Variants in SPAG9 observed in about 807,000 individuals in gnomAD.
The protein encoded by SPAG9 is C-Jun-amino-terminal kinase-interacting protein 4.
In SPAG9, 35 loss-of-function variants were observed where a neutral mutation model predicts 166.5. The observed-to-expected ratio is 0.21, with a 90% CI of 0.16 to 0.28. The LOEUF is 0.28. Among genes scored for constraint, SPAG9 ranks in the 10% least tolerant of loss-of-function variants. The pLI is 1.00. For synonymous variants in SPAG9, 534 were observed against 565.5 expected, an observed-to-expected ratio of 0.94 and a Z score of 0.79; for missense variants, 1,235 against 1,603.3, an observed-to-expected ratio of 0.77 and a Z score of 3.92.
chr17:51,055,534 G>T (rs1477634522), intron 3 of SPAG9, among the ~76,000 whole-genome samples: 3 of 150,952 alleles, frequency 2.0e-5, no homozygotes, highest in Admixed American at 2.0e-4. Context: ...CTCTTCTAAA[G>T]AAAAACAACA....
chr17:51,030,945 C>T (rs562522039), intron 6 of SPAG9: 18 of 143,544 alleles, frequency 1.3e-4, no homozygotes, highest in African/African-American at 3.9e-4. Flanking sequence ...GATGGAGTCT[C>T]GCTGTGTTGC....
chr17:51,006,167 G>A lies in SPAG9; in HGVS notation c.1342C>T (p.Leu448=), dbSNP rs6504692. ...VDELTCEKDV[L]QGELEAVKQA... Reference sequence around the variant, plus strand: ...TTCACAGCCTCCAATTCCCCTTGCAGCACATCTTTCTCACAGGTCAGTTCA... The same window carrying A: ...TTCACAGCCTCCAATTCCCCTTGCAACACATCTTTCTCACAGGTCAGTTCA... Residue 448 remains leucine, a synonymous_variant, in exon 11 of 30, where the codon CTG becomes TTG. Transcript: ENST00000262013. The A allele has an allele frequency of 8.0e-3, 12,899 of 1,614,056 alleles. 874 individuals are homozygous for A. In the African/African-American group the frequency reaches 0.15, roughly 19 times the overall value.
chr17:51,019,645 G>A (rs1395462074), intron 8 of SPAG9, among the ~76,000 whole-genome samples: 1 of 152,060 alleles, frequency 6.6e-6, no homozygotes, highest in African/African-American at 2.4e-5. Flanking sequence ...CTGAGGTTGG[G>A]AGTTCGAGAC....
intron 13 of SPAG9, 79 bp downstream of exon 13, chr17:51,001,636 G>A: frequency 7.2e-7 from 1 of 1,387,096 alleles, no homozygotes; most frequent in Admixed American, 2.3e-5. Flanking sequence ...TTACAGGGCA[G>A]GACTTAAGTT....
intron 5 of SPAG9, among the ~76,000 whole-genome samples, chr17:51,033,325 A>C (rs2046458736): frequency 6.7e-6 from 1 of 149,466 alleles, no homozygotes; most frequent in African/African-American, 2.5e-5. Context: ...AAAAAAAAAA[A>C]AGCAAGCAGC....
At chr17:51,102,078 C>A (rs2048822578) in intron 1 of SPAG9, among the ~76,000 whole-genome samples, 1 of 152,006 alleles carries the variant, frequency 6.6e-6, no homozygotes, top group South Asian at 2.1e-4. Context: ...ACTGCTGAAT[C>A]CTGATTAGAA....
At chr17:51,096,006 G>GATATATATATAGTGATAT (rs1555659815) in intron 1 of SPAG9, among the ~76,000 whole-genome samples, 5 of 88,576 alleles carry the variant, frequency 5.6e-5, no homozygotes, top group African/African-American at 2.5e-4. Flanking sequence ...TATATATAGT[G>GATATATATATAGTGATAT]ATATATATAT....
chr17:51,109,517 G>A (rs749704157), intron 1 of SPAG9, among the ~76,000 whole-genome samples: 1 of 151,674 alleles, frequency 6.6e-6, no homozygotes, highest in African/African-American at 2.4e-5. Flanking sequence ...TTACAGGCGT[G>A]AGCCACTGCG....
At chr17:51,074,124 T>C (rs2047900664) in intron 2 of SPAG9, among the ~76,000 whole-genome samples, 1 of 152,192 alleles carries the variant, frequency 6.6e-6, no homozygotes, top group East Asian at 1.9e-4. Flanking sequence ...TAGTCCCAGC[T>C]ACTCGGGAGG....
intron 1 of SPAG9, among the ~76,000 whole-genome samples, chr17:51,103,788 G>A (rs1302585665): frequency 6.6e-6 from 1 of 152,154 alleles, no homozygotes; most frequent in Non-Finnish European, 1.5e-5. Flanking sequence ...GAGATGGGCG[G>A]TTTATAGGTT....
chr17:51,060,950 G>A (rs1044345363), intron 2 of SPAG9, among the ~76,000 whole-genome samples: 13 of 150,796 alleles, frequency 8.6e-5, no homozygotes, highest in Non-Finnish European at 7.4e-5. Flanking sequence ...TGGTTGAAGC[G>A]ATTCTCCTGC....
At chr17:51,035,254 A>G (rs561385935) in intron 5 of SPAG9, among the ~76,000 whole-genome samples, 1 of 152,330 alleles carries the variant, frequency 6.6e-6, no homozygotes, top group South Asian at 2.1e-4. Flanking sequence ...TTTACCTAAC[A>G]GTATTGTACC....
chr17:50,987,360 G>T, intron 21 of SPAG9, 123 bp from the exon 22 acceptor site: 1 of 888,678 alleles, frequency 1.1e-6, no homozygotes, highest in Non-Finnish European at 1.6e-6. Context: ...ATTTTTTAGA[G>T]ATAGGGTATC....
chr17:51,036,859 A>C (rs540161504), intron 5 of SPAG9, among the ~76,000 whole-genome samples: 3 of 152,188 alleles, frequency 2.0e-5, no homozygotes, highest in African/African-American at 7.2e-5. Context: ...ATTGTGCAGA[A>C]AGGAAAGAGA....
chr17:51,078,310 A>G (rs1185072138), intron 2 of SPAG9, among the ~76,000 whole-genome samples: 2 of 152,168 alleles, frequency 1.3e-5, no homozygotes, highest in East Asian at 3.9e-4. Context: ...CTTGAATTCT[A>G]GAATGCTTGA....
At chr17:51,113,744 C>T (rs1391438960) in intron 1 of SPAG9, among the ~76,000 whole-genome samples, 1 of 151,638 alleles carries the variant, frequency 6.6e-6, no homozygotes, top group Admixed American at 6.6e-5. Context: ...CACCTGTAAT[C>T]ACAGCACTTT....
chr17:51,112,837 T>C (rs773443527), intron 1 of SPAG9, among the ~76,000 whole-genome samples: 3 of 150,778 alleles, frequency 2.0e-5, no homozygotes, highest in Non-Finnish European at 4.4e-5. Flanking sequence ...TAGCCAGGCA[T>C]GGTGGCGCAT....
intron 1 of SPAG9, among the ~76,000 whole-genome samples, chr17:51,093,789 A>G (rs2048538169): frequency 6.6e-6 from 1 of 152,060 alleles, no homozygotes; most frequent in South Asian, 2.1e-4. Context: ...GTGGGACTGA[A>G]AACAGGAGGG....
intron 1 of SPAG9, among the ~76,000 whole-genome samples, chr17:51,090,611 T>C (rs2048438971): frequency 6.6e-6 from 1 of 152,224 alleles, no homozygotes; most frequent in South Asian, 2.1e-4. Flanking sequence ...AAGAGAGCCC[T>C]ATGTTCTATT....
Sources: allele counts gnomAD v4.1 joint callset (sites outside exome capture counted in the v4.1 genomes callset), GRCh38; gene constraint gnomAD v4.1.1; transcripts MANE v1.5; gene names NCBI Gene and HGNC (gene_info 2026-07-23, HGNC 2026-07-21).